UMODL1: variants seen among roughly 807,000 people sequenced by gnomAD.
UMODL1 encodes the protein uromodulin-like 1.
A neutral mutation model predicts 136.3 loss-of-function variants in UMODL1; 128 were observed. The ratio of observed to expected loss-of-function variants is 0.94; its 90% CI spans 0.81 to 1.09. The LOEUF (loss-of-function observed/expected upper bound fraction) is 1.09. Among genes scored for constraint, UMODL1 ranks in the 50% least tolerant of loss-of-function variants. UMODL1 has a pLI of 0.00. For synonymous variants in UMODL1, 721 were observed against 720.0 expected (o/e 1.00, Z -0.02); for missense variants, 1,766 against 1,725.6 (o/e 1.02, Z -0.41).
In UMODL1 at chr21:42,139,607, C is replaced by T. The variant is rs184776262; in HGVS notation, c.*21+1966C>T. The stretch of plus-strand genomic sequence containing the variant: ...CAAGGAAAGACGAGAGGCCAATTTT[C>T]CCTCGATGTTTTAATTTCAAGGAGG... On this transcript the variant is annotated intron_variant, in intron 22 of 22. Coordinates refer to ENST00000408910, the MANE Select transcript of UMODL1 (RefSeq NM_001004416.3). Among the ~76,000 whole-genome samples the T allele has an allele frequency of 4.4e-3, 672 of 152,292 alleles. 2 individuals carry two copies. Among genetic ancestry groups the T allele is most frequent in the Non-Finnish European group, 7.5e-3 (512 of 68,020 alleles).
chr21:42,126,035 A>G (rs2067048602), intron 17 of UMODL1, among the ~76,000 whole-genome samples: 1 of 152,192 alleles, frequency 6.6e-6, no homozygotes, highest in Non-Finnish European at 1.5e-5. Context: ...CCTGAAATCC[A>G]CAAGAGCTCT....
chr21:42,122,719 G>A lies in UMODL1; in HGVS notation c.2828-112G>A. On this transcript the variant is annotated intron_variant, in intron 16 of 22. Transcript: ENST00000408910. This position sits in a 1 kb window ranked among gnomAD's most constrained non-coding sequence, Gnocchi z 4.3. ...TGTGGCTGGAACATGCGGTTCCCAGGTGTGGCTGCTGCAGAGTGCAGGGCA... is the reference window on the plus strand; with the variant it reads ...TGTGGCTGGAACATGCGGTTCCCAGATGTGGCTGCTGCAGAGTGCAGGGCA... 1 of 1,081,010 alleles carries A rather than the reference G, an allele frequency of 9.3e-7. No individual in the cohort carries two copies. Among genetic ancestry groups the A allele is most frequent in the South Asian group, 1.6e-5 (1 of 60,664 alleles). 67.0% of individuals were successfully genotyped at this position (1,081,010 alleles called of 1,614,324 possible). A position where few individuals can be genotyped will look rare whatever the true frequency, so the allele number is the denominator to read the frequency against.
chr21:42,103,721 T>C, intron 8 of UMODL1, 147 bp from the exon 9 acceptor site: 1 of 924,390 alleles, frequency 1.1e-6, no homozygotes, highest in Non-Finnish European at 1.7e-6. Flanking sequence ...CTTCTCTGCG[T>C]GCTCTGAGAG....
intron 22 of UMODL1, among the ~76,000 whole-genome samples, chr21:42,138,456 G>A (rs2067237811): frequency 6.6e-6 from 1 of 152,120 alleles, no homozygotes; most frequent in South Asian, 2.1e-4. Flanking sequence ...GTGGACTTTT[G>A]TTTTTCCTGG....
chr21:42,084,215 G>C lies in UMODL1; in HGVS notation c.451G>C (p.Gly151Arg), dbSNP rs751646456. The change falls in exon 3 of 23, where the codon GGG becomes CGG. Residue 151 changes from glycine to arginine, a missense_variant. Coordinates refer to ENST00000408910, the MANE Select transcript of UMODL1 (RefSeq NM_001004416.3). ...TGAGAAGTGCTGCCCCTGGTCAGGG[G>C]GGCGCTACTGCATGGCCCCTGCACC... ...GLEKCCPWSG[G>R]RYCMAPAPQA... 2 of 1,613,724 alleles carry C rather than the reference G, an allele frequency of 1.2e-6. No individual in the cohort carries two copies. Among genetic ancestry groups the C allele is most frequent in the Non-Finnish European group, 1.7e-6 (2 of 1,179,996 alleles).
At chr21:42,106,724 A>G (rs1373563975) in intron 9 of UMODL1, among the ~76,000 whole-genome samples, 2 of 152,150 alleles carry the variant, frequency 1.3e-5, no homozygotes, top group Non-Finnish European at 2.9e-5. Flanking sequence ...CCTCCTGCTC[A>G]CTTTGCCCCA....
At chr21:42,084,899 A>C (rs1489865244) in intron 3 of UMODL1, among the ~76,000 whole-genome samples, 1 of 151,706 alleles carries the variant, frequency 6.6e-6, no homozygotes, top group Non-Finnish European at 1.5e-5. Flanking sequence ...TGATTATACT[A>C]TCCAATATTT....
intron 21 of UMODL1, among the ~76,000 whole-genome samples, chr21:42,135,969 G>A (rs1255618981): frequency 6.6e-6 from 1 of 152,198 alleles, no homozygotes; most frequent in Admixed American, 6.5e-5. Context: ...GCTCCTGGTT[G>A]CACAGAAAGG....
At chr21:42,102,513 C>T (rs2066649502) in intron 8 of UMODL1, 2 of 363,352 alleles carry the variant, frequency 5.5e-6, no homozygotes, top group African/African-American at 4.1e-5. Flanking sequence ...AGATATGTGC[C>T]TTTATTCAAA....
chr21:42,107,999 A>G (rs2066746713), intron 9 of UMODL1, among the ~76,000 whole-genome samples: 1 of 152,142 alleles, frequency 6.6e-6, no homozygotes, highest in Non-Finnish European at 1.5e-5. Flanking sequence ...GCAGAGGCTC[A>G]CTGGCAGCTC....
At chr21:42,074,875 C>A (rs2066269723) in intron 1 of UMODL1, among the ~76,000 whole-genome samples, 1 of 151,916 alleles carries the variant, frequency 6.6e-6, no homozygotes, top group Admixed American at 6.6e-5. Context: ...CAGGCACCAG[C>A]CACCACAATT....
chr21:42,139,219 T>G (rs1485934895), intron 22 of UMODL1, among the ~76,000 whole-genome samples: 1 of 152,186 alleles, frequency 6.6e-6, no homozygotes, highest in South Asian at 2.1e-4. Flanking sequence ...TGGCAGCGTG[T>G]GAGACTGCTG....
At position 42,103,960 on chromosome 21, in the gene UMODL1, C is replaced by T. The variant is rs758945242; in HGVS notation, c.1392C>T (p.Val464=). The change falls in exon 9 of 23, where the codon GTC becomes GTT. Residue 464 remains valine, a synonymous_variant. Transcript: ENST00000408910. ...TGTCTCTCCAGGCGGGAAGTGTGGT[C>T]GTGAGGCTCAAGCTCACCGTGCAGG... is the stretch of plus-strand genomic sequence containing the variant. The part of the protein sequence containing the change: ...QIVSLQAGSV[V]VRLKLTVQDP... The T allele has an allele frequency of 1.1e-5, 17 of 1,613,968 alleles. No individual in the cohort carries two copies. Among genetic ancestry groups the T allele is most frequent in the Admixed American group, 8.3e-5 (5 of 60,002 alleles).
intron 2 of UMODL1, among the ~76,000 whole-genome samples, chr21:42,079,430 A>C (rs1468977619): frequency 6.6e-6 from 1 of 152,158 alleles, no homozygotes; most frequent in Non-Finnish European, 1.5e-5. Flanking sequence ...CCCGTGGGTG[A>C]GAGTGGGCTG....
intron 6 of UMODL1, among the ~76,000 whole-genome samples, chr21:42,097,548 C>T (rs1299661458): frequency 6.6e-6 from 1 of 152,132 alleles, no homozygotes; most frequent in Admixed American, 6.5e-5. Flanking sequence ...TGAGAGAAAG[C>T]AGGCACATAT....
intron 22 of UMODL1, among the ~76,000 whole-genome samples, chr21:42,138,031 T>C (rs1457062441): frequency 6.6e-6 from 1 of 152,102 alleles, no homozygotes; most frequent in African/African-American, 2.4e-5. Context: ...CCCACTGGAC[T>C]GGCTCCACGA....
intron 9 of UMODL1, chr21:42,108,425 C>T (rs1388944065): frequency 2.1e-6 from 1 of 481,032 alleles, no homozygotes. Flanking sequence ...GACGAGCTTG[C>T]TGTTCTCCAG....
chr21:42,083,853 G>A (rs1261707592), intron 2 of UMODL1, among the ~76,000 whole-genome samples: 3 of 152,352 alleles, frequency 2.0e-5, no homozygotes, highest in Non-Finnish European at 4.4e-5. Context: ...GAGACACCTA[G>A]GACCCCAGCT....
chr21:42,110,227 T>C (rs1329111522), intron 10 of UMODL1, among the ~76,000 whole-genome samples: 4 of 152,190 alleles, frequency 2.6e-5, no homozygotes, highest in Admixed American at 1.3e-4. Context: ...CCTGGGATGC[T>C]GAATTGAGCA....
Sources: gnomAD v4.1 joint callset for allele counts (sites outside exome capture counted in the v4.1 genomes callset) on GRCh38, gnomAD v4.1.1 for gene constraint, Gnocchi (gnomAD v3.1) non-coding constraint, MANE v1.5 for transcripts, NCBI Gene and HGNC (gene_info 2026-07-23, HGNC 2026-07-21) for gene names.